TRAPPC9: variants seen among roughly 807,000 people sequenced by gnomAD.
TRAPPC9 encodes IKK2 binding protein.
In TRAPPC9, 83 loss-of-function variants were observed where a neutral mutation model predicts 124.0. That is an observed-to-expected ratio of 0.67 (90% CI 0.56 to 0.80). TRAPPC9 has a LOEUF of 0.80. Ranked by LOEUF, TRAPPC9 falls within the 30% of genes least tolerant of loss-of-function variation. TRAPPC9 has a pLI of 0.00. For missense variants in TRAPPC9, 1,302 were observed against 1,508.3 expected, an observed-to-expected ratio of 0.86 and a Z score of 2.27; for synonymous variants, 638 against 617.5, an observed-to-expected ratio of 1.03 and a Z score of -0.49.
intron 15 of TRAPPC9, among the ~76,000 whole-genome samples, chr8:140,272,224 G>A (rs2064945774): frequency 8.0e-6 from 1 of 124,672 alleles, no homozygotes; most frequent in African/African-American, 3.1e-5. Flanking sequence ...TGGTGGTTGT[G>A]TTGATAGTGG....
intron 1 of TRAPPC9, among the ~76,000 whole-genome samples, chr8:140,454,302 A>C (rs2071574052): frequency 6.6e-6 from 1 of 151,304 alleles, no homozygotes; most frequent in South Asian, 2.1e-4. Context: ...AAAATTAATA[A>C]ATAAAAATGA....
At position 140,439,098 on chromosome 8, in the gene TRAPPC9, CAT is replaced by C. The variant is rs777917128; in HGVS notation, c.682_683del (p.Met228ValfsTer10). 2 of 1,614,264 alleles carry C rather than the reference CAT, an allele frequency of 1.2e-6. No homozygotes were observed. ...MLQDSLVHYH[M>X]SVELLRSVND... is the part of the protein sequence containing the mutation. ...TCACAGAACGCAGCAGCTCCACCGA[CAT>C]GTGGTAATGCACCAGGGAGTCCTGC... On this transcript the variant is annotated frameshift_variant, in exon 3 of 23. Coordinates refer to ENST00000438773, the MANE Select transcript of TRAPPC9 (RefSeq NM_001160372.4). LOFTEE classifies it high-confidence loss of function.
intron 7 of TRAPPC9, among the ~76,000 whole-genome samples, chr8:140,379,083 CTTTT>C (rs1157267016): frequency 1.3e-5 from 2 of 151,200 alleles, no homozygotes; most frequent in African/African-American, 4.9e-5. Context: ...TCTTTTCTTT[CTTTT>C]TAACTATTAA....
chr8:139,943,119 T>C (rs915509784), intron 19 of TRAPPC9, among the ~76,000 whole-genome samples: 1 of 152,178 alleles, frequency 6.6e-6, no homozygotes, highest in African/African-American at 2.4e-5. Flanking sequence ...CAGACTGGAG[T>C]GCAGTGGTAC....
chr8:139,926,542 GAAATAGAAAATAT>G, intron 19 of TRAPPC9, among the ~76,000 whole-genome samples: 1 of 142,420 alleles, frequency 7.0e-6, no homozygotes, highest in Non-Finnish European at 1.5e-5. Context: ...TTACAACAAA[GAAATAGAAAATAT>G]AAAAGAGAGG....
rs1563980179 is a variant in TRAPPC9, at chr8:140,371,047, G to C, written c.1268C>G (p.Pro423Arg). Residue 423 changes from proline to arginine, a missense_variant, in exon 8 of 23, where the codon CCT (proline) becomes CGT (arginine). By Grantham distance (103) the Pro-to-Arg change is moderately radical. Transcript: ENST00000438773. ...MQCVAPSIAE[P>R]GWRACYKLLL... ...GAGTTTGTAGCAGGCCCTCCACCCA[G>C]GCTCCGCGATGCTTGGGGCCACGCA... The C allele has an allele frequency of 6.2e-7, 1 of 1,614,274 alleles. No individual in the cohort carries two copies. Among genetic ancestry groups the C allele is most frequent in the Non-Finnish European group, 8.5e-7 (1 of 1,180,052 alleles).
chr8:140,148,527 G>A (rs778316077), intron 17 of TRAPPC9, among the ~76,000 whole-genome samples: 1 of 152,094 alleles, frequency 6.6e-6, no homozygotes, highest in Non-Finnish European at 1.5e-5. Context: ...GTGCCACAAG[G>A]CCATAAATAG....
chr8:139,842,596 C>T (rs1158751308), intron 21 of TRAPPC9, among the ~76,000 whole-genome samples: 2 of 149,242 alleles, frequency 1.3e-5, no homozygotes, highest in African/African-American at 4.9e-5. Flanking sequence ...GCCTTCGTGC[C>T]CGGGGCCATG....
intron 14 of TRAPPC9, among the ~76,000 whole-genome samples, chr8:140,283,099 G>A (rs1317788209): frequency 2.6e-5 from 4 of 151,706 alleles, no homozygotes; most frequent in East Asian, 3.9e-4. Flanking sequence ...TTGGCCAGGC[G>A]TAGTGGTACA....
intron 14 of TRAPPC9, among the ~76,000 whole-genome samples, chr8:140,280,591 G>A (rs1274861870): frequency 6.6e-6 from 1 of 151,856 alleles, no homozygotes; most frequent in African/African-American, 2.4e-5. Context: ...ACCATGCCCA[G>A]CTAATTTTTG....
rs1195958888 is a variant in TRAPPC9 at position 140,097,993 on chromosome 8, AC to A, written c.2557-73915del. The A allele has an allele frequency of 1.3e-5, 2 of 152,338 alleles. No homozygotes were observed. Among genetic ancestry groups the A allele is most frequent in the Admixed American group, 1.3e-4 (2 of 15,270 alleles). 9.4% of individuals were successfully genotyped at this position (152,338 alleles called of 1,614,324 possible). A position where few individuals can be genotyped will look rare whatever the true frequency, so the allele number is the denominator to read the frequency against. ...CGCAGTCCGCACAGTAAAGACGCTCACCAGGTCCTCCGCAGCCAACCGCAGG... is the reference window on the plus strand; with the variant it reads ...CGCAGTCCGCACAGTAAAGACGCTCACAGGTCCTCCGCAGCCAACCGCAGG... On this transcript the variant is annotated intron_variant, in intron 17 of 22. Coordinates refer to ENST00000438773, the MANE Select transcript of TRAPPC9 (RefSeq NM_001160372.4). The surrounding 1 kb of genome is among the most constrained non-coding windows in gnomAD (Gnocchi z 4.2).
intron 17 of TRAPPC9, among the ~76,000 whole-genome samples, chr8:140,219,484 G>C (rs1187765039): frequency 6.6e-6 from 1 of 152,168 alleles, no homozygotes; most frequent in East Asian, 1.9e-4. Flanking sequence ...GGACCTCACG[G>C]AGAGTTAATT....
intron 4 of TRAPPC9, among the ~76,000 whole-genome samples, chr8:140,430,003 T>C (rs1323310904): frequency 3.3e-5 from 5 of 151,110 alleles, no homozygotes; most frequent in African/African-American, 1.2e-4. Context: ...AAAAATTAGC[T>C]GGGCGAGGTG....
At chr8:140,217,089 G>A (rs11166963) in intron 17 of TRAPPC9, among the ~76,000 whole-genome samples, 58,880 of 152,042 alleles carry the variant, frequency 0.39, 14,348 homozygotes, top group Non-Finnish European at 0.55. Flanking sequence ...CCGGGGCACC[G>A]TAACTGACTC....
At chr8:140,316,853 G>T (rs1030023802) in intron 9 of TRAPPC9, among the ~76,000 whole-genome samples, 4 of 152,168 alleles carry the variant, frequency 2.6e-5, no homozygotes, top group Admixed American at 2.6e-4. Flanking sequence ...CAGGTCCCGG[G>T]CTTTTCTTTG....
In TRAPPC9 at chr8:139,947,924, C is replaced by CGAGAGAGAGAGAGA. The variant is rs59675753; in HGVS notation, c.2811-37638_2811-37625dup. Among the ~76,000 whole-genome samples the CGAGAGAGAGAGAGA allele has an allele frequency of 4.1e-3, 345 of 83,480 alleles. 25 individuals carry two copies. The highest frequency in any genetic ancestry group is 0.016 in the African/African-American group (309 of 19,672). The allele number at this position is 83,480 out of a possible 152,430, so 54.8% of individuals were successfully genotyped here. ...TATATATATAGAGAGAGAGAGAGAGCGAGAGAGAGAGAGAGAGAGAGTATA... is the reference window on the plus strand; with the variant it reads ...TATATATATAGAGAGAGAGAGAGAGCGAGAGAGAGAGAGAGAGAGAGAGAGAGAGAGAGAGTATA... On this transcript the variant is annotated intron_variant, in intron 19 of 22. Transcript: ENST00000438773.
Position 139,800,893 on chromosome 8 carries a change from C to A in TRAPPC9, c.3056-68691G>T, listed in dbSNP as rs572610914. 3.3e-5 allele frequency among the ~76,000 whole-genome samples: 5 copies of A among 150,626 alleles called. No homozygotes were observed. In the East Asian group the frequency reaches 1.0e-3, roughly 30 times the overall value. ...CTCCCTCCCTCTGGTATCTTCCCGC[C>A]CTCCGGTACCTTCCCTCCCTCCGGT... On this transcript the variant is annotated intron_variant, in intron 21 of 22. Transcript: ENST00000438773.
chr8:139,842,746 C>G (rs374929322), intron 21 of TRAPPC9, among the ~76,000 whole-genome samples: 3 of 152,172 alleles, frequency 2.0e-5, no homozygotes, highest in African/African-American at 4.8e-5. Flanking sequence ...TGCCCATAGA[C>G]GGGCTCAGGG....
At chr8:140,090,959 C>T (rs574049473) in intron 17 of TRAPPC9, among the ~76,000 whole-genome samples, 248 of 152,316 alleles carry the variant, frequency 1.6e-3, no homozygotes, top group Non-Finnish European at 3.1e-3. Context: ...GACTCGAGCG[C>T]TCCCAGTGCT....
Sources: allele counts gnomAD v4.1 joint callset (sites outside exome capture counted in the v4.1 genomes callset), GRCh38; gene constraint gnomAD v4.1.1; non-coding constraint Gnocchi (gnomAD v3.1); transcripts MANE v1.5; gene names NCBI Gene and HGNC (gene_info 2026-07-23, HGNC 2026-07-21).